TATDN2: variants seen among roughly 807,000 people sequenced by gnomAD.
TATDN2 encodes 3'-5' RNA nuclease TATDN2.
A neutral mutation model predicts 60.3 loss-of-function variants in TATDN2; 44 were observed. That is an observed-to-expected ratio of 0.73 (90% CI 0.57 to 0.94). The LOEUF (loss-of-function observed/expected upper bound fraction) is 0.94. Ranked by LOEUF, TATDN2 falls within the 40% of genes least tolerant of loss-of-function variation. The pLI is 0.00. For missense variants in TATDN2, 997 were observed against 948.0 expected, an observed-to-expected ratio of 1.05 and a Z score of -0.68; for synonymous variants, 399 against 355.8, an observed-to-expected ratio of 1.12 and a Z score of -1.37.
At chr3:10,251,105 C>A (rs1698227798) in intron 2 of TATDN2, among the ~76,000 whole-genome samples, 1 of 152,106 alleles carries the variant, frequency 6.6e-6, no homozygotes, top group South Asian at 2.1e-4. Context: ...CCTTGTTTTG[C>A]AAGAACCCAA....
chr3:10,249,448 C>A lies in TATDN2; in HGVS notation c.248C>A (p.Ser83Tyr). Residue 83 changes from serine (S) to tyrosine (Y), a missense_variant, in exon 2 of 8, where the codon TCC (serine) becomes TAC (tyrosine). Ser to Tyr is a moderately radical substitution (Grantham distance 144, BLOSUM62 -2). Transcript: ENST00000448281. ...SSRRRNNSSS[S>Y]FSPHFLGPGV... ...CGCCGCAGAAATAACTCCTCCTCCT[C>A]CTTCTCCCCACATTTCTTGGGCCCT... 5.0e-6 allele frequency: 8 copies of A among 1,613,938 alleles called. No homozygotes were observed. Among genetic ancestry groups the A allele is most frequent in the Admixed American group, 1.7e-5 (1 of 60,018 alleles).
rs1698598536 is a variant in TATDN2, at chr3:10,273,768, G to T, written c.1834-2593G>T. ...AAGAATGGGTAGTTATAGTTATTCT[G>T]CTGGTTAGAGCAAATTACTGTTAAC... On this transcript the variant is annotated intron_variant, in intron 4 of 7. Transcript: ENST00000448281. 2.0e-5 allele frequency among the ~76,000 whole-genome samples: 3 copies of T among 152,296 alleles called. No homozygotes were observed. In the South Asian group the frequency reaches 6.2e-4, roughly 32 times the overall value.
At chr3:10,258,734 T>G (rs1698354282) in intron 2 of TATDN2, among the ~76,000 whole-genome samples, 1 of 149,770 alleles carries the variant, frequency 6.7e-6, no homozygotes, top group Non-Finnish European at 1.5e-5. Context: ...CCTCCCAAAG[T>G]GCTGGGATTA....
intron 2 of TATDN2, among the ~76,000 whole-genome samples, chr3:10,250,256 A>G (rs1698201417): frequency 7.5e-6 from 1 of 133,770 alleles, no homozygotes; most frequent in East Asian, 3.9e-4. Context: ...TACTTTGAGC[A>G]GACCAAGGAG....
chr3:10,270,376 A>G lies in TATDN2; in HGVS notation c.1194A>G (p.Thr398=), dbSNP rs1367196273. ...CCAAGCCTTCTAGCTACCCCTCCAC[A>G]GGCAGCAGCAGCAACGATGCAGCCC... ...SSPKPSSYPS[T]GSSSNDAAQV... is the part of the protein sequence containing the mutation. Residue 398 remains threonine, a synonymous_variant, in exon 4 of 8, where the codon ACA becomes ACG. Transcript: ENST00000448281. The G allele has an allele frequency of 1.2e-6, 2 of 1,614,140 alleles. No homozygotes were observed. Among genetic ancestry groups the G allele is most frequent in the Non-Finnish European group, 1.7e-6 (2 of 1,180,006 alleles).
At position 10,275,738 on chromosome 3, in the gene TATDN2, T is replaced by G. The variant is rs545592535; in HGVS notation, c.1834-623T>G. ...TCCAGCCTGGGCGACAGAGCAAGAT[T>G]CGGTCTCAAAAAAACAAAACAAAAC... is the stretch of plus-strand genomic sequence containing the variant. On this transcript the variant is annotated intron_variant, in intron 4 of 7. Coordinates refer to ENST00000448281, the MANE Select transcript of TATDN2 (RefSeq NM_014760.4). Among the ~76,000 whole-genome samples the G allele has an allele frequency of 1.3e-4, 19 of 147,446 alleles. 1 individual carries two copies. The South Asian group carries it at 2.2e-3, about 17-fold the overall frequency.
chr3:10,271,506 G>A (rs1698563291), intron 4 of TATDN2, among the ~76,000 whole-genome samples: 1 of 152,160 alleles, frequency 6.6e-6, no homozygotes, highest in Non-Finnish European at 1.5e-5. Flanking sequence ...TAGAGACCAT[G>A]TTGGCCAGGT....
At chr3:10,273,739 G>GGGAAAGAATGGGTA (rs1698598259) in intron 4 of TATDN2, among the ~76,000 whole-genome samples, 2 of 152,178 alleles carry the variant, frequency 1.3e-5, no homozygotes, top group South Asian at 2.1e-4. Context: ...AAAACAATTG[G>GGGAAAGAATGGGTA]GGAAAGAATG....
Position 10,275,566 on chromosome 3 carries a change from G to A in TATDN2, c.1834-795G>A, listed in dbSNP as rs191785299. Among the ~76,000 whole-genome samples, 154 of 152,050 alleles carry A rather than the reference G, an allele frequency of 1.0e-3. 2 individuals carry two copies. The highest frequency in any genetic ancestry group is 3.3e-3 in the African/African-American group (137 of 41,484). On this transcript the variant is annotated intron_variant, in intron 4 of 7. Coordinates refer to ENST00000448281, the MANE Select transcript of TATDN2 (RefSeq NM_014760.4). ...TTGAGACCAGCCTGACCAACATGGC[G>A]AAACCCCATCTCTACAAACAAATAC...
intron 2 of TATDN2, among the ~76,000 whole-genome samples, chr3:10,250,310 G>C (rs532536823): frequency 1.3e-5 from 2 of 151,826 alleles, no homozygotes; most frequent in Non-Finnish European, 2.9e-5. Context: ...CTCAATCAAG[G>C]CTTTGAACAA....
At chr3:10,272,542 G>A (rs956725948) in intron 4 of TATDN2, among the ~76,000 whole-genome samples, 2 of 151,832 alleles carry the variant, frequency 1.3e-5, no homozygotes, top group South Asian at 2.1e-4. Context: ...AGGTTCAAGC[G>A]ATTCTCTTGC....
In TATDN2 at chr3:10,260,624, C is replaced by T. The variant is rs1325241543; in HGVS notation, c.902C>T (p.Pro301Leu). ...ACTGTCATTGACAAATGCTCTCCAC[C>T]CCTAGAGTTCTTGGATGACTCTGAC... is the stretch of plus-strand genomic sequence containing the variant. Reference protein sequence around the residue: ...RRTVIDKCSPPLEFLDDSDSH... With the variant: ...RRTVIDKCSPLLEFLDDSDSH... Residue 301 changes from proline (P) to leucine (L), a missense_variant, in exon 3 of 8, where the codon CCC becomes CTC. Physicochemically the swap from Pro to Leu is moderately conservative, Grantham distance 98 (BLOSUM62 -3). Coordinates refer to ENST00000448281, the MANE Select transcript of TATDN2 (RefSeq NM_014760.4). 7 of 1,613,994 alleles carry T rather than the reference C, an allele frequency of 4.3e-6. No homozygotes were observed. The highest frequency in any genetic ancestry group is 4.0e-5 in the African/African-American group (3 of 74,910).
chr3:10,273,721 A>C (rs548393687), intron 4 of TATDN2, among the ~76,000 whole-genome samples: 1 of 152,358 alleles, frequency 6.6e-6, no homozygotes, highest in South Asian at 2.1e-4. Context: ...TGGAAAATAG[A>C]GAAAAGCAAA....
chr3:10,278,515 T>C lies in TATDN2; in HGVS notation c.2145+53T>C, dbSNP rs922442690. On this transcript the variant is annotated intron_variant, in intron 6 of 7. Transcript: ENST00000448281. The surrounding 1 kb of genome is among the most constrained non-coding windows in gnomAD (Gnocchi z 4.7). Reference sequence around the variant, plus strand: ...GCACCGGAGGGAGAGGGTGGGGAGGTGGGTGGTCACCCTTACAAGGTTGGC... The same window carrying C: ...GCACCGGAGGGAGAGGGTGGGGAGGCGGGTGGTCACCCTTACAAGGTTGGC... 15 of 1,584,316 alleles carry C rather than the reference T, an allele frequency of 9.5e-6. No homozygotes were observed. The African/African-American group carries it at 2.0e-4, about 21-fold the overall frequency.
At chr3:10,274,609 C>T (rs1191776470) in intron 4 of TATDN2, among the ~76,000 whole-genome samples, 5 of 151,922 alleles carry the variant, frequency 3.3e-5, no homozygotes, top group South Asian at 2.1e-4. Flanking sequence ...GTGTAGGGGT[C>T]GGGGAGGGCA....
At chr3:10,251,492 TCTC>T (rs1272635656) in intron 2 of TATDN2, among the ~76,000 whole-genome samples, 18 of 151,940 alleles carry the variant, frequency 1.2e-4, no homozygotes, top group Non-Finnish European at 2.9e-5. Flanking sequence ...TTCAAACAAT[TCTC>T]CTGCCTCAGC....
chr3:10,248,570 G>C lies in TATDN2; in HGVS notation c.-504G>C, dbSNP rs1473080566. 3 of 151,996 alleles carry C rather than the reference G, an allele frequency of 2.0e-5. No individual in the cohort carries two copies. The highest frequency in any genetic ancestry group is 4.4e-5 in the Non-Finnish European group (3 of 68,054). The allele number at this position is 151,996 out of a possible 1,614,324, so 9.4% of individuals were successfully genotyped here. A position where few individuals can be genotyped will look rare whatever the true frequency, so the allele number is the denominator to read the frequency against. On this transcript the variant is annotated 5_prime_UTR_variant, in exon 1 of 8. Coordinates refer to ENST00000448281, the MANE Select transcript of TATDN2 (RefSeq NM_014760.4). ...GGGCCAGGCGGGGCTGTAGGGCTGG[G>C]GCAGGCGGCGGGCTGCCCGGCGGGA...
chr3:10,260,738 G>A, intron 3 of TATDN2, 68 bp downstream of exon 3: 1 of 1,528,984 alleles, frequency 6.5e-7, no homozygotes, highest in Non-Finnish European at 8.8e-7. Context: ...CATCTTTCTA[G>A]TTTGATCCTA....
intron 4 of TATDN2, 114 bp from the exon 5 acceptor site, chr3:10,276,247 A>C (rs1698635151): frequency 7.7e-7 from 1 of 1,295,104 alleles, no homozygotes; most frequent in Admixed American, 2.3e-5. Context: ...TTATTACATT[A>C]TATAGTTAAA....
Sources: gnomAD v4.1 joint callset for allele counts (sites outside exome capture counted in the v4.1 genomes callset) on GRCh38, gnomAD v4.1.1 for gene constraint, Gnocchi (gnomAD v3.1) non-coding constraint, MANE v1.5 for transcripts, NCBI Gene and HGNC (gene_info 2026-07-23, HGNC 2026-07-21) for gene names.